The following FLRT3 variants were observed in gnomAD, a reference collection of about 807,000 sequenced individuals.
FLRT3 encodes fibronectin leucine rich transmembrane protein 3, also known as leucine-rich repeat transmembrane protein FLRT3.
In FLRT3, 17 loss-of-function variants were observed where a neutral mutation model predicts 42.6. That is an observed-to-expected ratio of 0.40 (90% CI 0.27 to 0.60). FLRT3 has a LOEUF of 0.60. FLRT3 is among the 20% of genes least tolerant of loss of function. The pLI, the probability that FLRT3 is intolerant of heterozygous loss-of-function variation, is 0.44. For synonymous variants in FLRT3, 279 were observed against 286.4 expected, an observed-to-expected ratio of 0.97 and a Z score of 0.26; for missense variants, 635 against 789.2, an observed-to-expected ratio of 0.80 and a Z score of 2.34.
At chr20:14,334,433 C>CG (rs2082899634) in intron 1 of FLRT3, among the ~76,000 whole-genome samples, 1 of 152,166 alleles carries the variant, frequency 6.6e-6, no homozygotes, top group Non-Finnish European at 1.5e-5. Flanking sequence ...AGCTGAGAAA[C>CG]ATCCCTTTTT....
chr20:14,331,445 T>G (rs1173732672), intron 1 of FLRT3, among the ~76,000 whole-genome samples: 1 of 152,150 alleles, frequency 6.6e-6, no homozygotes, highest in African/African-American at 2.4e-5. Flanking sequence ...GTGGTAATAA[T>G]GTGGGATTAA....
intron 2 of FLRT3, 183 bp downstream of exon 2, chr20:14,328,951 A>T (rs189563915): frequency 2.6e-4 from 40 of 151,842 alleles, no homozygotes; most frequent in African/African-American, 9.4e-4. Context: ...TGAAATTCTT[A>T]TTGGCTCTTC....
Position 14,325,468 on chromosome 20 carries a change from C to T in FLRT3, c.*89G>A, listed in dbSNP as rs1338368667. On this transcript the variant is annotated 3_prime_UTR_variant, in exon 3 of 3. Transcript: ENST00000341420. ...ATTGCTTTTTTTCAGTCTCTTTTTC[C>T]AGTGTTTTGCAGTAGAACAGGGTTC... 1.9e-5 allele frequency: 26 copies of T among 1,333,558 alleles called. No individual in the cohort carries two copies. The East Asian group carries it at 5.6e-4, about 29-fold the overall frequency. The allele number at this position is 1,333,558 out of a possible 1,614,324, so 82.6% of individuals were successfully genotyped here. A position where few individuals can be genotyped will look rare whatever the true frequency, so the allele number is the denominator to read the frequency against.
At chr20:14,334,659 G>T (rs1033261785) in intron 1 of FLRT3, among the ~76,000 whole-genome samples, 2 of 151,844 alleles carry the variant, frequency 1.3e-5, no homozygotes, top group South Asian at 2.1e-4. Flanking sequence ...GGCAAAAGGT[G>T]GGGGGTGGGA....
rs1347060412 is a variant in FLRT3, at chr20:14,325,095, T to A, written c.*462A>T. ...CCATTTTTTAAAATTAAATTTTATC[T>A]CATTCAGCCATTCAGCCAGTTTTTT... On this transcript the variant is annotated 3_prime_UTR_variant, in exon 3 of 3. Transcript: ENST00000341420. 1 of 152,630 alleles carries A rather than the reference T, an allele frequency of 6.6e-6. No homozygotes were observed. Among genetic ancestry groups the A allele is most frequent in the African/African-American group, 2.4e-5 (1 of 41,408 alleles). The allele number at this position is 152,630 out of a possible 1,614,324, so 9.5% of individuals were successfully genotyped here.
At chr20:14,330,566 C>T (rs1161970916) in intron 1 of FLRT3, among the ~76,000 whole-genome samples, 1 of 152,024 alleles carries the variant, frequency 6.6e-6, no homozygotes, top group African/African-American at 2.4e-5. Context: ...AGTTTGCTAA[C>T]TACATACCAA....
Position 14,324,920 on chromosome 20 carries a change from T to C in FLRT3, c.*637A>G, listed in dbSNP as rs2122565181. The C allele has an allele frequency of 6.6e-6, 1 of 152,670 alleles. No homozygotes were observed. The highest frequency in any genetic ancestry group is 2.1e-4 in the South Asian group (1 of 4,828). The allele number at this position is 152,670 out of a possible 1,614,324, so 9.5% of individuals were successfully genotyped here. On this transcript the variant is annotated 3_prime_UTR_variant, in exon 3 of 3. Transcript: ENST00000341420. Reference sequence around the variant, plus strand: ...CAGCTGATGTATTCAGTTCAGAAGATATGCTTAACTTTTTTAAGGATAATT... The same window carrying C: ...CAGCTGATGTATTCAGTTCAGAAGACATGCTTAACTTTTTTAAGGATAATT...
At chr20:14,328,806 G>C (rs577984232) in intron 2 of FLRT3, 1 of 151,958 alleles carries the variant, frequency 6.6e-6, no homozygotes, top group Non-Finnish European at 1.5e-5. Flanking sequence ...TTAAAGTGGG[G>C]GCAGAAACAA....
intron 1 of FLRT3, among the ~76,000 whole-genome samples, chr20:14,330,517 T>G (rs924081655): frequency 2.0e-5 from 3 of 152,098 alleles, no homozygotes; most frequent in Non-Finnish European, 4.4e-5. Context: ...AAGGCCACAA[T>G]TTGTGTTTCT....
At position 14,324,822 on chromosome 20, in the gene FLRT3, C is replaced by T. The variant is rs964913342; in HGVS notation, c.*735G>A. 1 of 152,114 alleles carries T rather than the reference C, an allele frequency of 6.6e-6. No homozygotes were observed. Among genetic ancestry groups the T allele is most frequent in the Non-Finnish European group, 1.5e-5 (1 of 68,006 alleles). The allele number at this position is 152,114 out of a possible 1,614,324, so 9.4% of individuals were successfully genotyped here. ...CAACTTGGAAGCACATTTACATTAC[C>T]GTTTTTGTGAAGTCCTTTATTTTCA... On this transcript the variant is annotated 3_prime_UTR_variant, in exon 3 of 3. Coordinates refer to ENST00000341420, the MANE Select transcript of FLRT3 (RefSeq NM_198391.3).
chr20:14,331,187 G>A (rs1214732624), intron 1 of FLRT3, among the ~76,000 whole-genome samples: 2 of 151,984 alleles, frequency 1.3e-5, no homozygotes, highest in Non-Finnish European at 2.9e-5. Flanking sequence ...CCAAGGTGAT[G>A]ATCATAATGA....
At position 14,323,912 on chromosome 20, in the gene FLRT3, A is replaced by G. The variant is rs192655138; in HGVS notation, c.*1645T>C. ...AAACCATTTCTTAAATTTTCCATCT[A>G]TACAGTGTATAAGTAAGAGGAAATA... On this transcript the variant is annotated 3_prime_UTR_variant, in exon 3 of 3. Coordinates refer to ENST00000341420, the MANE Select transcript of FLRT3 (RefSeq NM_198391.3). 1 of 152,332 alleles carries G rather than the reference A, an allele frequency of 6.6e-6. No homozygotes were observed. Among genetic ancestry groups the G allele is most frequent in the East Asian group, 1.9e-4 (1 of 5,178 alleles). 9.4% of individuals were successfully genotyped at this position (152,332 alleles called of 1,614,324 possible).
intron 1 of FLRT3, among the ~76,000 whole-genome samples, chr20:14,332,782 T>C (rs1019733627): frequency 7.9e-5 from 12 of 152,094 alleles, no homozygotes; most frequent in Non-Finnish European, 1.6e-4. Context: ...GTATCCAACT[T>C]TGTGAATATT....
intron 1 of FLRT3, among the ~76,000 whole-genome samples, chr20:14,334,134 A>G (rs2082893627): frequency 6.6e-6 from 1 of 152,208 alleles, no homozygotes; most frequent in Non-Finnish European, 1.5e-5. Flanking sequence ...TGCTTAAATT[A>G]TATTCTATTG....
At chr20:14,333,489 A>C (rs1221074849) in intron 1 of FLRT3, among the ~76,000 whole-genome samples, 2 of 152,156 alleles carry the variant, frequency 1.3e-5, no homozygotes, top group East Asian at 3.9e-4. Flanking sequence ...TAAGATATTA[A>C]TTTAGAGAGT....
chr20:14,328,709 G>A (rs1201351700), intron 2 of FLRT3, among the ~76,000 whole-genome samples: 3 of 152,028 alleles, frequency 2.0e-5, no homozygotes, highest in East Asian at 1.9e-4. Context: ...GTTTATTCAA[G>A]TAATCCTATG....
chr20:14,337,375 T>C, intron 1 of FLRT3, 29 bp downstream of exon 1: 1 of 284,268 alleles, frequency 3.5e-6, no homozygotes, highest in Non-Finnish European at 6.4e-6. Context: ...TCTGGGACAA[T>C]CATAAGAAAA....
In FLRT3 at chr20:14,327,355, G is replaced by A; in HGVS notation, c.152C>T (p.Ser51Phe). 1 of 1,613,760 alleles carries A rather than the reference G, an allele frequency of 6.2e-7. No homozygotes were observed. The highest frequency in any genetic ancestry group is 8.5e-7 in the Non-Finnish European group (1 of 1,179,752). ...FIYCNDRFLTSIPTGIPEDAT... is the reference protein window; with the variant it reads ...FIYCNDRFLTFIPTGIPEDAT... The stretch of plus-strand genomic sequence containing the variant: ...ATCCTCTGGTATTCCTGTTGGAATG[G>A]ATGTCAGAAAGCGATCATTACAGTA... Residue 51 changes from serine to phenylalanine, a missense_variant, in exon 3 of 3, where the codon TCC becomes TTC. Ser to Phe is a radical substitution (Grantham distance 155). Transcript: ENST00000341420.
At chr20:14,330,859 T>C (rs895744053) in intron 1 of FLRT3, among the ~76,000 whole-genome samples, 1 of 152,086 alleles carries the variant, frequency 6.6e-6, no homozygotes, top group African/African-American at 2.4e-5. Context: ...AAAACCAAGC[T>C]GCTGAAATTA....
Sources: allele counts gnomAD v4.1 joint callset (sites outside exome capture counted in the v4.1 genomes callset), GRCh38; gene constraint gnomAD v4.1.1; transcripts MANE v1.5; gene names NCBI Gene and HGNC (gene_info 2026-07-23, HGNC 2026-07-21).